The following EYA4 variants were observed in gnomAD, a reference collection of about 807,000 sequenced individuals.
EYA4 encodes the protein EYA transcriptional coactivator and phosphatase 4.
EYA4 carries 31 observed loss-of-function variants against 87.9 expected under a neutral mutation model. The ratio of observed to expected loss-of-function variants is 0.35; its 90% CI spans 0.27 to 0.48. EYA4 has a LOEUF of 0.48. Ranked by LOEUF, EYA4 falls within the 20% of genes least tolerant of loss-of-function variation. The probability of loss-of-function intolerance (pLI) is 0.99; values close to 1 mark genes in which losing one functional copy is unlikely to be tolerated. For synonymous variants in EYA4, 263 were observed against 270.6 expected (o/e 0.97, Z 0.28); for missense variants, 678 against 761.4 (o/e 0.89, Z 1.29).
intron 2 of EYA4, among the ~76,000 whole-genome samples, chr6:133,280,707 A>G (rs6940715): frequency 1.3e-5 from 2 of 152,116 alleles, no homozygotes; most frequent in East Asian, 3.8e-4. Flanking sequence ...TAGTAGTTTT[A>G]TTGAGATGTC....
intron 2 of EYA4, among the ~76,000 whole-genome samples, chr6:133,282,786 G>A (rs552067273): frequency 7.9e-5 from 12 of 152,096 alleles, no homozygotes; most frequent in Non-Finnish European, 1.6e-4. Context: ...TATCAATTTG[G>A]TGTGATTTGC....
chr6:133,315,638 G>C (rs1015364886), intron 2 of EYA4, among the ~76,000 whole-genome samples: 2 of 152,152 alleles, frequency 1.3e-5, no homozygotes, highest in Non-Finnish European at 2.9e-5. Flanking sequence ...GAAATGATCA[G>C]GGTGACTGAA....
At chr6:133,405,833 TAGTG>T (rs1401188998) in intron 3 of EYA4, among the ~76,000 whole-genome samples, 3 of 151,998 alleles carry the variant, frequency 2.0e-5, no homozygotes. Context: ...GGGAAGGCCT[TAGTG>T]AGAGCTGGGT....
intron 3 of EYA4, among the ~76,000 whole-genome samples, chr6:133,434,848 T>G (rs1219731962): frequency 6.6e-6 from 1 of 152,210 alleles, no homozygotes; most frequent in African/African-American, 2.4e-5. Context: ...GATATGTTTC[T>G]TAGTACAATT....
chr6:133,240,981 G>A (rs978835611), upstream of EYA4: 1 of 151,904 alleles, frequency 6.6e-6, no homozygotes, highest in East Asian at 2.0e-4. Flanking sequence ...GGAGGAGAGC[G>A]CGGTCGCGGG....
intron 3 of EYA4, among the ~76,000 whole-genome samples, chr6:133,442,906 A>G (rs538541884): frequency 2.0e-5 from 3 of 152,242 alleles, no homozygotes; most frequent in Admixed American, 6.5e-5. Context: ...TCATGGAAAT[A>G]ATATTATGTT....
intron 2 of EYA4, among the ~76,000 whole-genome samples, chr6:133,357,371 G>A (rs1033761152): frequency 1.1e-4 from 16 of 151,832 alleles, no homozygotes; most frequent in African/African-American, 3.4e-4. Flanking sequence ...GAAAAGGGGG[G>A]ACCTTTGTAT....
intron 3 of EYA4, among the ~76,000 whole-genome samples, chr6:133,427,151 G>T (rs750846486): frequency 6.6e-6 from 1 of 152,058 alleles, no homozygotes; most frequent in Non-Finnish European, 1.5e-5. Context: ...TCATTTCCTC[G>T]GAAGAAAAGC....
At chr6:133,386,440 G>A (rs1263452624) in intron 3 of EYA4, among the ~76,000 whole-genome samples, 10 of 151,976 alleles carry the variant, frequency 6.6e-5, no homozygotes, top group African/African-American at 2.4e-4. Context: ...TTTCATTCTT[G>A]TATTGCATAC....
chr6:133,428,362 T>C (rs1447908551), intron 3 of EYA4, among the ~76,000 whole-genome samples: 1 of 152,280 alleles, frequency 6.6e-6, no homozygotes, highest in African/African-American at 2.4e-5. Context: ...GACAGCAGAA[T>C]GTTAAGAGGA....
At chr6:133,417,720 T>C (rs1789855735) in intron 3 of EYA4, among the ~76,000 whole-genome samples, 1 of 152,188 alleles carries the variant, frequency 6.6e-6, no homozygotes, top group Non-Finnish European at 1.5e-5. Flanking sequence ...TATTTTCTCC[T>C]TTAATCTTTG....
chr6:133,412,970 A>G (rs211597), intron 3 of EYA4, among the ~76,000 whole-genome samples: 57,320 of 152,106 alleles, frequency 0.38, 14,043 homozygotes, highest in Non-Finnish European at 0.54. Flanking sequence ...TCCATTAGAT[A>G]GGATGCAGTC....
In EYA4 at chr6:133,529,923, G is replaced by A. The variant is rs556090403; in HGVS notation, c.*1118G>A. The A allele has an allele frequency of 5.3e-4, 525 of 985,134 alleles. No individual in the cohort carries two copies. The highest frequency in any genetic ancestry group is 6.1e-4 in the Non-Finnish European group (509 of 829,792). 61.0% of individuals were successfully genotyped at this position (985,134 alleles called of 1,614,324 possible). ...AGGAGGATATTATCATGCAAATCAT[G>A]AGCAATTATCACATAAACTTTTTTA... On this transcript the variant is annotated 3_prime_UTR_variant, in exon 20 of 20. Coordinates refer to ENST00000355286, the MANE Select transcript of EYA4 (RefSeq NM_004100.5).
chr6:133,416,898 G>A (rs775562182), intron 3 of EYA4, among the ~76,000 whole-genome samples: 24 of 152,186 alleles, frequency 1.6e-4, no homozygotes, highest in Non-Finnish European at 2.8e-4. Flanking sequence ...GGAGTTGGCC[G>A]GGGCCCACTG....
rs1304081701 is a variant in EYA4 at position 133,251,640 on chromosome 6, G to A, written c.-66+9891G>A. On this transcript the variant is annotated intron_variant, in intron 1 of 19. Transcript: ENST00000355286. ...CTCTGGTTATTGACATTTTGGGCTG[G>A]ATAATTTATTCAGGGGATACTGTCC... Among the ~76,000 whole-genome samples the A allele has an allele frequency of 2.0e-5, 3 of 152,222 alleles. No individual in the cohort carries two copies. The South Asian group carries it at 6.2e-4, about 32-fold the overall frequency.
intron 3 of EYA4, among the ~76,000 whole-genome samples, chr6:133,423,313 G>A (rs9402510): frequency 0.18 from 27,949 of 151,944 alleles, 2,681 homozygotes; most frequent in South Asian, 0.23. Context: ...ATTAAAAACC[G>A]GTGTTACAGT....
chr6:133,385,419 G>A (rs1370964511), intron 3 of EYA4, among the ~76,000 whole-genome samples: 1 of 148,124 alleles, frequency 6.8e-6, no homozygotes, highest in Non-Finnish European at 1.5e-5. Context: ...GTGTGTGTGT[G>A]TGTGTGTGTG....
intron 2 of EYA4, among the ~76,000 whole-genome samples, chr6:133,298,305 A>G (rs565636663): frequency 6.6e-6 from 1 of 152,236 alleles, no homozygotes; most frequent in East Asian, 1.9e-4. Flanking sequence ...CCAGATCTGG[A>G]AGCAGCCAAT....
chr6:133,312,748 C>T (rs1780326671), intron 2 of EYA4, among the ~76,000 whole-genome samples: 1 of 152,206 alleles, frequency 6.6e-6, no homozygotes, highest in Non-Finnish European at 1.5e-5. Flanking sequence ...GGAGCTCTAA[C>T]TCTTTAATAG....
Sources: allele counts gnomAD v4.1 joint callset (sites outside exome capture counted in the v4.1 genomes callset), GRCh38; gene constraint gnomAD v4.1.1; transcripts MANE v1.5; gene names NCBI Gene and HGNC (gene_info 2026-07-23, HGNC 2026-07-21).